CHCHD6: variants seen among roughly 807,000 people sequenced by gnomAD.
The protein encoded by CHCHD6 is MICOS complex subunit MIC25.
Under a neutral mutation model 32.3 loss-of-function variants are expected in CHCHD6, and 28 were observed. The ratio of observed to expected loss-of-function variants is 0.87; its 90% CI spans 0.64 to 1.19. The LOEUF (loss-of-function observed/expected upper bound fraction) is 1.19, where lower values mean the gene tolerates loss of function less well. Among genes scored for constraint, CHCHD6 ranks in the 50% most tolerant of loss-of-function variants. The pLI is 0.00. For synonymous variants in CHCHD6, 122 were observed against 117.5 expected, an observed-to-expected ratio of 1.04 and a Z score of -0.25; for missense variants, 333 against 307.0, an observed-to-expected ratio of 1.08 and a Z score of -0.63.
chr3:126,772,171 G>A (rs550028568), intron 4 of CHCHD6, among the ~76,000 whole-genome samples: 30 of 152,126 alleles, frequency 2.0e-4, no homozygotes, highest in African/African-American at 6.5e-4. Context: ...GCGCAATCTC[G>A]GCTCACTGCA....
At chr3:126,932,245 C>T (rs1292538943) in intron 6 of CHCHD6, among the ~76,000 whole-genome samples, 1 of 152,158 alleles carries the variant, frequency 6.6e-6, no homozygotes, top group Non-Finnish European at 1.5e-5. Flanking sequence ...TGTGCTGTGA[C>T]CCTGGTTTGT....
In CHCHD6 at chr3:126,893,280, T is replaced by C. The variant is rs55716746; in HGVS notation, c.496-21400T>C. 7.3e-3 allele frequency among the ~76,000 whole-genome samples: 1,110 copies of C among 152,356 alleles called. 7 individuals carry two copies. Among genetic ancestry groups the C allele is most frequent in the Non-Finnish European group, 0.012 (812 of 68,032 alleles). Reference sequence around the variant, plus strand: ...CCCAGCCAGCTGATTTATTTTTAATTGAGTGATCTCTAGGCTTTGAATAGA... The same window carrying C: ...CCCAGCCAGCTGATTTATTTTTAATCGAGTGATCTCTAGGCTTTGAATAGA... On this transcript the variant is annotated intron_variant, in intron 5 of 7. Transcript: ENST00000290913.
intron 4 of CHCHD6, among the ~76,000 whole-genome samples, chr3:126,804,979 G>A (rs1389493953): frequency 6.6e-6 from 1 of 151,990 alleles, no homozygotes; most frequent in East Asian, 1.9e-4. Flanking sequence ...ATGCAGAAAA[G>A]GCCTTTGACA....
chr3:126,816,351 C>T (rs1177231819), intron 4 of CHCHD6, among the ~76,000 whole-genome samples: 1 of 152,174 alleles, frequency 6.6e-6, no homozygotes, highest in African/African-American at 2.4e-5. Context: ...GCAGCCACAG[C>T]CAGGTGGTTG....
At chr3:126,777,717 A>C (rs1937716713) in intron 4 of CHCHD6, among the ~76,000 whole-genome samples, 1 of 152,238 alleles carries the variant, frequency 6.6e-6, no homozygotes, top group Non-Finnish European at 1.5e-5. Context: ...GAGGAATGGC[A>C]ATTGTTCTCC....
chr3:126,876,155 T>C (rs1241194542), intron 5 of CHCHD6, among the ~76,000 whole-genome samples: 1 of 152,238 alleles, frequency 6.6e-6, no homozygotes, highest in African/African-American at 2.4e-5. Context: ...TTGTAGCTGC[T>C]CAAGAAATGT....
At chr3:126,931,282 T>A (rs1430195037) in intron 6 of CHCHD6, among the ~76,000 whole-genome samples, 1 of 152,208 alleles carries the variant, frequency 6.6e-6, no homozygotes, top group African/African-American at 2.4e-5. Flanking sequence ...GAGTGCCCTT[T>A]TTCCTTTTGT....
intron 1 of CHCHD6, among the ~76,000 whole-genome samples, chr3:126,715,324 G>A (rs1395693262): frequency 2.0e-5 from 3 of 152,146 alleles, no homozygotes; most frequent in South Asian, 2.1e-4. Context: ...GTAAAGTGGC[G>A]ATCGCTGCAC....
intron 5 of CHCHD6, among the ~76,000 whole-genome samples, chr3:126,862,092 C>CTCT (rs202209754): frequency 1.5e-5 from 1 of 67,134 alleles, no homozygotes; most frequent in Non-Finnish European, 2.9e-5. Flanking sequence ...CCTCCTCCTC[C>CTCT]ACCATCACCA....
chr3:126,770,090 A>T (rs554286900), intron 4 of CHCHD6, among the ~76,000 whole-genome samples: 53 of 151,912 alleles, frequency 3.5e-4, no homozygotes, highest in Admixed American at 1.3e-4. Flanking sequence ...AAGGTATTTT[A>T]TTCTTTTTGT....
At chr3:126,851,351 C>T (rs1219831589) in intron 4 of CHCHD6, among the ~76,000 whole-genome samples, 1 of 152,226 alleles carries the variant, frequency 6.6e-6, no homozygotes, top group Non-Finnish European at 1.5e-5. Context: ...GATTCAAACC[C>T]ATGTGCTGAT....
At chr3:126,766,601 G>T in intron 4 of CHCHD6, 1 of 1,185,882 alleles carries the variant, frequency 8.4e-7, no homozygotes, top group Non-Finnish European at 1.3e-6. Context: ...TTGGGCTTGT[G>T]GTCCCTTAGC....
At chr3:126,840,855 T>C (rs1359245162) in intron 4 of CHCHD6, among the ~76,000 whole-genome samples, 1 of 151,882 alleles carries the variant, frequency 6.6e-6, no homozygotes, top group Non-Finnish European at 1.5e-5. Flanking sequence ...AACTCTGGCA[T>C]AGAGAAGTTC....
chr3:126,827,772 A>T (rs1940461662), intron 4 of CHCHD6, among the ~76,000 whole-genome samples: 1 of 152,196 alleles, frequency 6.6e-6, no homozygotes, highest in South Asian at 2.1e-4. Context: ...CTGGAAAGTA[A>T]AGGAGAACAA....
In CHCHD6 at chr3:126,960,109, C is replaced by G. The variant is rs2078839874; in HGVS notation, c.703-87C>G. The G allele has an allele frequency of 6.7e-6, 10 of 1,481,688 alleles. No individual in the cohort carries two copies. In the South Asian group the frequency reaches 1.2e-4, roughly 18 times the overall value. 91.8% of individuals were successfully genotyped at this position (1,481,688 alleles called of 1,614,324 possible). On this transcript the variant is annotated intron_variant, in intron 7 of 7. Transcript: ENST00000290913. ...CAACTCACAGCTGCTCCCTGGGAAG[C>G]GGTTGCTGTCACAGGGCGATCTGCA... is the stretch of plus-strand genomic sequence containing the variant.
intron 4 of CHCHD6, among the ~76,000 whole-genome samples, chr3:126,774,428 C>T (rs985643287): frequency 3.9e-5 from 6 of 152,150 alleles, no homozygotes; most frequent in African/African-American, 1.2e-4. Flanking sequence ...AAATATCATA[C>T]GATATCAAAA....
At chr3:126,864,062 C>A (rs1252733910) in intron 5 of CHCHD6, among the ~76,000 whole-genome samples, 1 of 150,092 alleles carries the variant, frequency 6.7e-6, no homozygotes, top group African/African-American at 2.5e-5. Context: ...ACCATCACCT[C>A]CTCTTCCCCC....
chr3:126,864,564 T>TCTCCACCACCTCCTTCTCCAC (rs1475350183), intron 5 of CHCHD6, among the ~76,000 whole-genome samples: 3 of 67,922 alleles, frequency 4.4e-5, no homozygotes, highest in Non-Finnish European at 6.3e-5. Flanking sequence ...TCCTCCTCCT[T>TCTCCACCACCTCCTTCTCCAC]CTCCACCACC....
chr3:126,907,587 G>A (rs1282925678), intron 5 of CHCHD6, among the ~76,000 whole-genome samples: 1 of 152,164 alleles, frequency 6.6e-6, no homozygotes, highest in African/African-American at 2.4e-5. Context: ...TAGCATTCCT[G>A]TGAATTTTGA....
Sources: gnomAD v4.1 joint callset for allele counts (sites outside exome capture counted in the v4.1 genomes callset) on GRCh38, gnomAD v4.1.1 for gene constraint, MANE v1.5 for transcripts, NCBI Gene and HGNC (gene_info 2026-07-23, HGNC 2026-07-21) for gene names.